ASB18: variants seen among roughly 807,000 people sequenced by gnomAD.
ASB18 encodes the protein ankyrin repeat and SOCS box protein 18.
Under a neutral mutation model 33.4 loss-of-function variants are expected in ASB18, and 33 were observed. That is an observed-to-expected ratio of 0.99 (90% CI 0.75 to 1.32). ASB18 has a LOEUF of 1.32. Ranked by LOEUF, ASB18 falls within the 40% of genes most tolerant of loss-of-function variation. The pLI is 0.00. For missense variants in ASB18, 694 were observed against 655.5 expected (o/e 1.06, Z -0.64); for synonymous variants, 295 against 307.6 (o/e 0.96, Z 0.43).
chr2:236,202,738 C>T (rs1480016983), intron 4 of ASB18, among the ~76,000 whole-genome samples: 2 of 144,016 alleles, frequency 1.4e-5, no homozygotes, highest in East Asian at 2.0e-4. Context: ...GAGATCACGC[C>T]ACTGCACTCC....
rs57792200 is a variant in ASB18 at position 236,217,087 on chromosome 2, C to T, written c.597-2221G>A. 0.044 allele frequency among the ~76,000 whole-genome samples: 6,694 copies of T among 152,200 alleles called. 280 individuals are homozygous for T. Among genetic ancestry groups the T allele is most frequent in the African/African-American group, 0.11 (4,704 of 41,510 alleles). On this transcript the variant is annotated intron_variant, in intron 3 of 5. Transcript: ENST00000409749. This position sits in a 1 kb window ranked among gnomAD's most constrained non-coding sequence, Gnocchi z 5.2. The stretch of plus-strand genomic sequence containing the variant: ...TTGTCACATGTCTTGCACTATGTGC[C>T]CAGGCACATTGGTCACCCCATATTT...
intron 1 of ASB18, among the ~76,000 whole-genome samples, chr2:236,242,413 G>A (rs1448632542): frequency 6.6e-6 from 1 of 152,134 alleles, no homozygotes; most frequent in Admixed American, 6.5e-5. Context: ...TCTGTCTGCT[G>A]TCACTAGTTG....
chr2:236,246,037 G>A (rs954837974), intron 1 of ASB18, among the ~76,000 whole-genome samples: 4 of 152,068 alleles, frequency 2.6e-5, no homozygotes, highest in Admixed American at 2.0e-4. Flanking sequence ...TCCCCCACAT[G>A]TAGAGATCCT....
Position 236,241,586 on chromosome 2 carries a change from T to G in ASB18, c.206-184A>C. 1.4e-6 allele frequency: 1 copy of G among 720,830 alleles called. No homozygotes were observed. Among genetic ancestry groups the G allele is most frequent in the Non-Finnish European group, 2.4e-6 (1 of 410,834 alleles). 44.7% of individuals were successfully genotyped at this position (720,830 alleles called of 1,614,324 possible). A position where few individuals can be genotyped will look rare whatever the true frequency, so the allele number is the denominator to read the frequency against. On this transcript the variant is annotated intron_variant, in intron 1 of 5. Coordinates refer to ENST00000409749, the MANE Select transcript of ASB18 (RefSeq NM_212556.4). This position sits in a 1 kb window ranked among gnomAD's most constrained non-coding sequence, Gnocchi z 4.2. ...AAAGATGGTCTTATGGAGTGTGAGC[T>G]ATTTCTATTGTCATTACTCAATTGT...
chr2:236,196,359 G>C lies in ASB18; in HGVS notation c.1128C>G (p.Pro376=), dbSNP rs202128767. Residue 376 remains proline, a synonymous_variant, in exon 5 of 6, where the codon CCC becomes CCG. Coordinates refer to ENST00000409749, the MANE Select transcript of ASB18 (RefSeq NM_212556.4). The surrounding 1 kb of genome is among the most constrained non-coding windows in gnomAD (Gnocchi z 5.6). ...PKVLKTCASV[P]AVIEVLFNSY... is the part of the protein sequence containing the mutation. ...AGTTGAAAAGCACCTCGATGACTGC[G>C]GGGACAGATGCACAGGTCTTCAGCA... 8.3e-6 allele frequency: 13 copies of C among 1,566,102 alleles called. No individual in the cohort carries two copies. Among genetic ancestry groups the C allele is most frequent in the South Asian group, 3.5e-5 (3 of 84,958 alleles).
In ASB18 at chr2:236,256,790, A is replaced by G. The variant is rs2060694372; in HGVS notation, c.205+7351T>C. 6.6e-6 allele frequency among the ~76,000 whole-genome samples: 1 copy of G among 151,806 alleles called. No homozygotes were observed. The highest frequency in any genetic ancestry group is 1.5e-5 in the Non-Finnish European group (1 of 67,970). ...GGGAGCTGAGACGCGACCCTGTAGG[A>G]TTTTTTTTCTTGTCCATATGCCTTT... is the stretch of plus-strand genomic sequence containing the variant. On this transcript the variant is annotated intron_variant, in intron 1 of 5. Coordinates refer to ENST00000409749, the MANE Select transcript of ASB18 (RefSeq NM_212556.4). The surrounding 1 kb of genome is among the most constrained non-coding windows in gnomAD (Gnocchi z 4.7).
intron 4 of ASB18, chr2:236,210,392 C>T (rs551685989): frequency 7.9e-5 from 12 of 152,324 alleles, no homozygotes; most frequent in African/African-American, 1.4e-4. Flanking sequence ...AGTAGAAATG[C>T]AGTCCCTCTC....
At position 236,237,623 on chromosome 2, in the gene ASB18, T is replaced by TG. The variant is rs1258174801; in HGVS notation, c.596+65dup. The TG allele has an allele frequency of 1.4e-5, 15 of 1,049,418 alleles. No homozygotes were observed. The East Asian group carries it at 1.8e-4, about 12-fold the overall frequency. The allele number at this position is 1,049,418 out of a possible 1,614,324, so 65.0% of individuals were successfully genotyped here. On this transcript the variant is annotated intron_variant, in intron 3 of 5. Coordinates refer to ENST00000409749, the MANE Select transcript of ASB18 (RefSeq NM_212556.4). This position sits in a 1 kb window ranked among gnomAD's most constrained non-coding sequence, Gnocchi z 6.2. ...GGCGGAGGCGGGGTCGGCGGTCTCG[T>TG]GGGGGGAGGCGGGCGTCTGGTCTCG...
In ASB18 at chr2:236,203,887, C is replaced by CCAACCAACCAACCAAT. The variant is rs373139619; in HGVS notation, c.1102-7503_1102-7502insATTGGTTGGTTGGTTG. Reference sequence around the variant, plus strand: ...CTCTCAAAAACCAAACCAAACCAAACCAACCAACCAACCAACCAACCAACC... The same window carrying CCAACCAACCAACCAAT: ...CTCTCAAAAACCAAACCAAACCAAACCAACCAACCAACCAATCAACCAACCAACCAACCAACCAACC... On this transcript the variant is annotated intron_variant, in intron 4 of 5. Transcript: ENST00000409749. The surrounding 1 kb of genome is among the most constrained non-coding windows in gnomAD (Gnocchi z 6.0). 0.17 allele frequency among the ~76,000 whole-genome samples: 25,911 copies of CCAACCAACCAACCAAT among 151,208 alleles called. 2,240 individuals are homozygous for CCAACCAACCAACCAAT. The highest frequency in any genetic ancestry group is 0.25 in the South Asian group (1,167 of 4,736).
chr2:236,239,377 T>C lies in ASB18; in HGVS notation c.329-1421A>G, dbSNP rs148151088. 5.5e-4 allele frequency among the ~76,000 whole-genome samples: 84 copies of C among 151,846 alleles called. No homozygotes were observed. Among genetic ancestry groups the C allele is most frequent in the African/African-American group, 1.8e-3 (75 of 41,416 alleles). On this transcript the variant is annotated intron_variant, in intron 2 of 5. Coordinates refer to ENST00000409749, the MANE Select transcript of ASB18 (RefSeq NM_212556.4). The surrounding 1 kb of genome is among the most constrained non-coding windows in gnomAD (Gnocchi z 5.6). Reference sequence around the variant, plus strand: ...GAGAAGCCATAGGTGGGGATCTAGCTCAGCCACAGTGTGGGCCAGCACCGT... The same window carrying C: ...GAGAAGCCATAGGTGGGGATCTAGCCCAGCCACAGTGTGGGCCAGCACCGT...
chr2:236,231,273 A>G lies in ASB18; in HGVS notation c.596+6416T>C, dbSNP rs2060563500. On this transcript the variant is annotated intron_variant, in intron 3 of 5. Transcript: ENST00000409749. The surrounding 1 kb of genome is among the most constrained non-coding windows in gnomAD (Gnocchi z 5.5). ...CAAGTTTCATGTTAGAGAGGTCCAC[A>G]TGACAAGTGCTATGGTTTAAATGTT... Among the ~76,000 whole-genome samples, 1 of 152,250 alleles carries G rather than the reference A, an allele frequency of 6.6e-6. No homozygotes were observed. Among genetic ancestry groups the G allele is most frequent in the Non-Finnish European group, 1.5e-5 (1 of 68,054 alleles).
chr2:236,240,331 T>C (rs557765740), intron 2 of ASB18, among the ~76,000 whole-genome samples: 1 of 152,266 alleles, frequency 6.6e-6, no homozygotes, highest in Admixed American at 6.5e-5. Flanking sequence ...GTTTTGAGTT[T>C]ATTCTCTTCT....
chr2:236,198,129 C>A (rs2060382955), intron 4 of ASB18, among the ~76,000 whole-genome samples: 1 of 152,134 alleles, frequency 6.6e-6, no homozygotes, highest in African/African-American at 2.4e-5. Flanking sequence ...CAACTTGCCT[C>A]CCTTCTCCAC....
At chr2:236,242,151 G>A (rs1026314857) in intron 1 of ASB18, among the ~76,000 whole-genome samples, 2 of 152,124 alleles carry the variant, frequency 1.3e-5, no homozygotes, top group African/African-American at 4.8e-5. Context: ...GCATGGCCAC[G>A]GCCGCCTGGC....
intron 3 of ASB18, among the ~76,000 whole-genome samples, chr2:236,236,163 A>G (rs1053251360): frequency 3.9e-5 from 6 of 152,214 alleles, no homozygotes; most frequent in Non-Finnish European, 8.8e-5. Context: ...GATGAACATA[A>G]CATACTGTGG....
Position 236,241,153 on chromosome 2 carries a change from T to G in ASB18, c.328+127A>C. The G allele has an allele frequency of 1.1e-6, 1 of 930,014 alleles. No homozygotes were observed. The highest frequency in any genetic ancestry group is 2.2e-5 in the Admixed American group (1 of 46,168). 57.6% of individuals were successfully genotyped at this position (930,014 alleles called of 1,614,324 possible). A position where few individuals can be genotyped will look rare whatever the true frequency, so the allele number is the denominator to read the frequency against. On this transcript the variant is annotated intron_variant, in intron 2 of 5. Coordinates refer to ENST00000409749, the MANE Select transcript of ASB18 (RefSeq NM_212556.4). This position sits in a 1 kb window ranked among gnomAD's most constrained non-coding sequence, Gnocchi z 4.2. ...TTTACTGCGAGCAAACTTCATCAGA[T>G]GTCCTTTTCTTGTGTACGTTAAACC...
In ASB18 at chr2:236,250,816, C is replaced by T. The variant is rs1474846210; in HGVS notation, c.206-9414G>A. On this transcript the variant is annotated intron_variant, in intron 1 of 5. Coordinates refer to ENST00000409749, the MANE Select transcript of ASB18 (RefSeq NM_212556.4). The surrounding 1 kb of genome is among the most constrained non-coding windows in gnomAD (Gnocchi z 4.1). The stretch of plus-strand genomic sequence containing the variant: ...TTCTGCTTTTAAGAGTTCCAGGACA[C>T]ATCCATCCACCAGAGTTAGTCACAT... 1 of 152,232 alleles carries T rather than the reference C, an allele frequency of 6.6e-6. No individual in the cohort carries two copies. Among genetic ancestry groups the T allele is most frequent in the African/African-American group, 2.4e-5 (1 of 41,462 alleles). 9.4% of individuals were successfully genotyped at this position (152,232 alleles called of 1,614,324 possible).
At position 236,251,440 on chromosome 2, in the gene ASB18, A is replaced by C. The variant is rs2060668728; in HGVS notation, c.206-10038T>G. Among the ~76,000 whole-genome samples the C allele has an allele frequency of 6.6e-6, 1 of 152,220 alleles. No individual in the cohort carries two copies. Among genetic ancestry groups the C allele is most frequent in the South Asian group, 2.1e-4 (1 of 4,832 alleles). ...TTGCAGCTCCTGCCTCTTGAGACAA[A>C]TTGCGTGTTCAGACTGATTGTTTTT... On this transcript the variant is annotated intron_variant, in intron 1 of 5. Coordinates refer to ENST00000409749, the MANE Select transcript of ASB18 (RefSeq NM_212556.4). The surrounding 1 kb of genome is among the most constrained non-coding windows in gnomAD (Gnocchi z 5.3).
rs1225722513 is a variant in ASB18 at position 236,251,113 on chromosome 2, C to T, written c.206-9711G>A. Among the ~76,000 whole-genome samples, 1 of 152,218 alleles carries T rather than the reference C, an allele frequency of 6.6e-6. No individual in the cohort carries two copies. The highest frequency in any genetic ancestry group is 6.5e-5 in the Admixed American group (1 of 15,282). On this transcript the variant is annotated intron_variant, in intron 1 of 5. Transcript: ENST00000409749. The surrounding 1 kb of genome is among the most constrained non-coding windows in gnomAD (Gnocchi z 5.3). ...GCCCAGTGCAGATAATGCAGAACAA[C>T]AGTCACTTCTCATTATTAATGTGAT...
Sources: gnomAD v4.1 joint callset for allele counts (sites outside exome capture counted in the v4.1 genomes callset) on GRCh38, gnomAD v4.1.1 for gene constraint, Gnocchi (gnomAD v3.1) non-coding constraint, MANE v1.5 for transcripts, NCBI Gene and HGNC (gene_info 2026-07-23, HGNC 2026-07-21) for gene names.